Variants in LRP5 observed in about 807,000 individuals in gnomAD.
LRP5 encodes the protein LDL receptor related protein 5.
A neutral mutation model predicts 154.1 loss-of-function variants in LRP5; 62 were observed. The ratio of observed to expected loss-of-function variants is 0.40; its 90% CI spans 0.33 to 0.50. The LOEUF (loss-of-function observed/expected upper bound fraction) is 0.50, where lower values mean the gene tolerates loss of function less well. Among genes scored for constraint, LRP5 ranks in the 20% least tolerant of loss-of-function variants. The probability of loss-of-function intolerance (pLI) is 0.55; values close to 1 mark genes in which losing one functional copy is unlikely to be tolerated. For missense variants in LRP5, 1,915 were observed against 2,336.7 expected (o/e 0.82, Z 3.72); for synonymous variants, 966 against 1,011.5 (o/e 0.96, Z 0.85).
rs539346540 is a variant in LRP5 at position 68,348,156 on chromosome 11, T to C, written c.401T>C (p.Val134Ala). ...WTDSETNRIE[V>A]ANLNGTSRKV... ...GACTCAGAGACCAACCGCATCGAGGTGGCCAACCTCAATGGCACATCCCGG... is the reference window on the plus strand; with the variant it reads ...GACTCAGAGACCAACCGCATCGAGGCGGCCAACCTCAATGGCACATCCCGG... Residue 134 changes from valine to alanine, a missense_variant, in exon 2 of 23, where the codon GTG becomes GCG. Transcript: ENST00000294304. 1.9e-6 allele frequency: 3 copies of C among 1,613,934 alleles called. No homozygotes were observed. In the South Asian group the frequency reaches 3.3e-5, roughly 18 times the overall value.
intron 7 of LRP5, among the ~76,000 whole-genome samples, chr11:68,395,101 G>A (rs1199207567): frequency 6.6e-6 from 1 of 152,142 alleles, no homozygotes; most frequent in Non-Finnish European, 1.5e-5. Flanking sequence ...AGGAGTTCAA[G>A]ACCAGCCTGG....
At position 68,449,011 on chromosome 11, in the gene LRP5, G is replaced by C. The variant is rs756170312; in HGVS notation, c.4789G>C (p.Glu1597Gln). The C allele has an allele frequency of 2.5e-6, 4 of 1,598,622 alleles. No homozygotes were observed. The South Asian group carries it at 3.3e-5, about 13-fold the overall frequency. Reference sequence around the variant, plus strand: ...CAGCTGCCCGCCCTCGCCCGCCACCGAGAGGAGCTACTTCCATCTCTTCCC... The same window carrying C: ...CAGCTGCCCGCCCTCGCCCGCCACCCAGAGGAGCTACTTCCATCTCTTCCC... ...EDSCPPSPAT[E>Q]RSYFHLFPPP... is the part of the protein sequence containing the mutation. The change falls in exon 23 of 23, where the codon GAG (glutamate) becomes CAG (glutamine). Residue 1597 changes from glutamate (E) to glutamine (Q), a missense_variant. This residue lies in a region of LRP5 where 1,094 missense variants were observed against 1,210.1 expected (regional missense o/e 0.90). Transcript: ENST00000294304.
At chr11:68,412,411 C>T (rs753345456) in intron 11 of LRP5, among the ~76,000 whole-genome samples, 1 of 152,040 alleles carries the variant, frequency 6.6e-6, no homozygotes, top group African/African-American at 2.4e-5. Flanking sequence ...GAGGCCAAGG[C>T]GGGCAGATGA....
chr11:68,373,921 G>A (rs1184625740), intron 5 of LRP5, among the ~76,000 whole-genome samples: 12 of 152,188 alleles, frequency 7.9e-5, no homozygotes, highest in Admixed American at 3.3e-4. Flanking sequence ...GCTTAGCGGC[G>A]TGCACCATGC....
chr11:68,344,849 C>CTT (rs58477287), intron 1 of LRP5, among the ~76,000 whole-genome samples: 2,257 of 65,612 alleles, frequency 0.034, 488 homozygotes, highest in Admixed American at 0.055. Context: ...GAATCTCTCT[C>CTT]TTTTTTTTTT....
At position 68,415,748 on chromosome 11, in the gene LRP5, AATG is replaced by A. The variant is rs2098662199; in HGVS notation, c.2828-578_2828-576del. 2.9e-5 allele frequency among the ~76,000 whole-genome samples: 2 copies of A among 70,028 alleles called. 1 individual carries two copies. The highest frequency in any genetic ancestry group is 6.9e-5 in the African/African-American group (2 of 28,914). The allele number at this position is 70,028 out of a possible 152,430, so 45.9% of individuals were successfully genotyped here. Reference sequence around the variant, plus strand: ...GCAACAAGAGCGAAACTCCATCTCGAATGAATGAATGAATGAATGAATGAATGG... The same window carrying A: ...GCAACAAGAGCGAAACTCCATCTCGAAATGAATGAATGAATGAATGAATGG... On this transcript the variant is annotated intron_variant, in intron 12 of 22. Coordinates refer to ENST00000294304, the MANE Select transcript of LRP5 (RefSeq NM_002335.4).
At chr11:68,421,741 T>TG (rs2098665863) in intron 13 of LRP5, among the ~76,000 whole-genome samples, 1 of 146,226 alleles carries the variant, frequency 6.8e-6, no homozygotes, top group Non-Finnish European at 1.5e-5. Flanking sequence ...GTGTGGTGTG[T>TG]GTGTGTGTAT....
chr11:68,391,367 C>T (rs1010218162), intron 7 of LRP5, among the ~76,000 whole-genome samples: 1 of 152,240 alleles, frequency 6.6e-6, no homozygotes, highest in Non-Finnish European at 1.5e-5. Context: ...TGGTGCCTCT[C>T]CTCGGGGTGG....
chr11:68,421,781 GGTGTGTGTGTGTGGGGT>G (rs2098665900), intron 13 of LRP5, among the ~76,000 whole-genome samples: 1 of 132,412 alleles, frequency 7.6e-6, no homozygotes, highest in South Asian at 2.3e-4. Context: ...TCCATCTGGG[GGTGTGTGTGTGTGGGGT>G]GTGTGTGTGT....
In LRP5 at chr11:68,433,697, G is replaced by A. The variant is rs1438665772; in HGVS notation, c.3859G>A (p.Asp1287Asn). Residue 1287 changes from aspartate to asparagine, a missense_variant, in exon 18 of 23, where the codon GAT (aspartate) becomes AAT (asparagine). Physicochemically the swap from Asp to Asn is conservative, Grantham distance 23. This residue lies in a region of LRP5 where 1,094 missense variants were observed against 1,210.1 expected (regional missense o/e 0.90). Transcript: ENST00000294304. ...GCGCTGTGACGGCTTTCCCGAGTGC[G>A]ATGACCAGAGCGACGAGGAGGGCTG... ...AWRCDGFPEC[D>N]DQSDEEGCPV... 1.2e-6 allele frequency: 2 copies of A among 1,613,186 alleles called. No homozygotes were observed. The highest frequency in any genetic ancestry group is 1.1e-5 in the South Asian group (1 of 91,088).
chr11:68,428,048 A>G (rs1255113616), intron 16 of LRP5, among the ~76,000 whole-genome samples: 1 of 151,052 alleles, frequency 6.6e-6, no homozygotes, highest in African/African-American at 2.4e-5. Context: ...GCTGGAGTGC[A>G]GTGGCGCGAT....
chr11:68,432,887 G>A (rs186938975), intron 17 of LRP5, among the ~76,000 whole-genome samples: 40 of 152,340 alleles, frequency 2.6e-4, no homozygotes, highest in African/African-American at 9.1e-4. Flanking sequence ...GTGGAGCCCC[G>A]AGGGGCAGGA....
chr11:68,356,003 C>A (rs1302262238), intron 2 of LRP5, among the ~76,000 whole-genome samples: 1 of 151,908 alleles, frequency 6.6e-6, no homozygotes, highest in Non-Finnish European at 1.5e-5. Context: ...CCATGCCCGG[C>A]TAATTTTTTT....
rs973890665 is a variant in LRP5, at chr11:68,353,749, G to A, written c.489-3901G>A. On this transcript the variant is annotated intron_variant, in intron 2 of 22. Coordinates refer to ENST00000294304, the MANE Select transcript of LRP5 (RefSeq NM_002335.4). The surrounding 1 kb of genome is among the most constrained non-coding windows in gnomAD (Gnocchi z 4.5). Reference sequence around the variant, plus strand: ...CCTCAGAGGAGGGGGTTCCTGCCCCGGCCATCATCAGGAAGGGGGTCTCTG... The same window carrying A: ...CCTCAGAGGAGGGGGTTCCTGCCCCAGCCATCATCAGGAAGGGGGTCTCTG... 3.9e-5 allele frequency among the ~76,000 whole-genome samples: 6 copies of A among 152,182 alleles called. No homozygotes were observed. Among genetic ancestry groups the A allele is most frequent in the African/African-American group, 1.2e-4 (5 of 41,430 alleles).
chr11:68,404,735 C>T (rs2098654529), intron 8 of LRP5, among the ~76,000 whole-genome samples: 1 of 152,066 alleles, frequency 6.6e-6, no homozygotes, highest in South Asian at 2.1e-4. Context: ...CTTTGGGAGG[C>T]CGAGGCGGGT....
At position 68,429,589 on chromosome 11, in the gene LRP5, G is replaced by A; in HGVS notation, c.3652G>A (p.Ala1218Thr). ...TGTCTTTGCAGCAGCCCACCCATGT[G>A]CCCGTGACAATGGTGGCTGCTCCCA... ...SLEEFSAHPCARDNGGCSHIC... is the reference protein window; with the variant it reads ...SLEEFSAHPCTRDNGGCSHIC... The change falls in exon 17 of 23, where the codon GCC becomes ACC. Residue 1218 changes from alanine to threonine, a missense_variant. By Grantham distance (58) the Ala-to-Thr change is moderately conservative (BLOSUM62 0). Transcript: ENST00000294304. 1.2e-6 allele frequency: 2 copies of A among 1,614,140 alleles called. No homozygotes were observed. Among genetic ancestry groups the A allele is most frequent in the South Asian group, 2.2e-5 (2 of 91,086 alleles).
At chr11:68,336,100 G>A (rs1343165464) in intron 1 of LRP5, among the ~76,000 whole-genome samples, 1 of 152,214 alleles carries the variant, frequency 6.6e-6, no homozygotes, top group Non-Finnish European at 1.5e-5. Flanking sequence ...CAGAGCCCAG[G>A]TCTGGGTTTC....
Position 68,411,580 on chromosome 11 carries a change from C to G in LRP5, c.2463C>G (p.Thr821=). 2 of 1,613,502 alleles carry G rather than the reference C, an allele frequency of 1.2e-6. No individual in the cohort carries two copies. The highest frequency in any genetic ancestry group is 1.7e-6 in the Non-Finnish European group (2 of 1,179,976). Reference sequence around the variant, plus strand: ...ACGCTGACCAGCGCCTCTACTGGACCGACCTGGACACCAACATGATCGAGT... The same window carrying G: ...ACGCTGACCAGCGCCTCTACTGGACGGACCTGGACACCAACATGATCGAGT... The part of the protein sequence containing the change: ...IDYADQRLYW[T]DLDTNMIESS... Residue 821 remains threonine (T), a synonymous_variant, in exon 11 of 23, where the codon ACC becomes ACG. Transcript: ENST00000294304.
chr11:68,405,609 GA>G (rs1246939074), intron 8 of LRP5, among the ~76,000 whole-genome samples: 1 of 152,056 alleles, frequency 6.6e-6, no homozygotes, highest in Admixed American at 6.6e-5. Flanking sequence ...TTAAAGCTGA[GA>G]AATTGGGCTT....
Sources: gnomAD v4.1 joint callset for allele counts (sites outside exome capture counted in the v4.1 genomes callset) on GRCh38, gnomAD v4.1.1 for gene constraint, gnomAD v4.1.1 regional missense constraint, Gnocchi (gnomAD v3.1) non-coding constraint, MANE v1.5 for transcripts, NCBI Gene and HGNC (gene_info 2026-07-23, HGNC 2026-07-21) for gene names.